The following EPHA3 variants were observed in gnomAD, a reference collection of about 807,000 sequenced individuals.
The protein encoded by EPHA3 is ephrin type-A receptor 3.
EPHA3 carries 42 observed loss-of-function variants against 107.1 expected under a neutral mutation model. The ratio of observed to expected loss-of-function variants is 0.39; its 90% CI spans 0.31 to 0.51. EPHA3 has a LOEUF of 0.51. Ranked by LOEUF, EPHA3 falls within the 20% of genes least tolerant of loss-of-function variation. The pLI, the probability that EPHA3 is intolerant of heterozygous loss-of-function variation, is 0.78. For missense variants in EPHA3, 1,183 were observed against 1,211.2 expected, an observed-to-expected ratio of 0.98 and a Z score of 0.35; for synonymous variants, 461 against 424.8, an observed-to-expected ratio of 1.09 and a Z score of -1.05.
intron 2 of EPHA3, among the ~76,000 whole-genome samples, chr3:89,181,146 T>G (rs1034519425): frequency 2.0e-5 from 3 of 152,016 alleles, no homozygotes; most frequent in Admixed American, 6.6e-5. Context: ...GACTTTTGTA[T>G]TCTACCTGTT....
intron 3 of EPHA3, among the ~76,000 whole-genome samples, chr3:89,225,687 G>T (rs1180238095): frequency 6.6e-6 from 1 of 152,158 alleles, no homozygotes; most frequent in Admixed American, 6.6e-5. Context: ...GAACACTGAG[G>T]CTGCAGTCAG....
At chr3:89,391,728 C>T (rs1237413177) in intron 5 of EPHA3, among the ~76,000 whole-genome samples, 7 of 151,942 alleles carry the variant, frequency 4.6e-5, no homozygotes, top group Admixed American at 1.3e-4. Context: ...CCACCGCGCC[C>T]GGCCTATTTG....
chr3:89,173,409 A>G (rs1434803729), intron 2 of EPHA3, among the ~76,000 whole-genome samples: 1 of 152,088 alleles, frequency 6.6e-6, no homozygotes, highest in African/African-American at 2.4e-5. Context: ...CTCACAGCAG[A>G]TAAGTCACCT....
chr3:89,113,485 CAAAAAAAAAA>C (rs753848304), intron 1 of EPHA3, among the ~76,000 whole-genome samples: 89 of 31,110 alleles, frequency 2.9e-3, no homozygotes, highest in African/African-American at 6.5e-3. Context: ...TTCCTTTGTA[CAAAAAAAAAA>C]AAAAAAAAAA....
chr3:89,199,679 A>T (rs922175814), intron 2 of EPHA3, among the ~76,000 whole-genome samples: 2 of 152,136 alleles, frequency 1.3e-5, no homozygotes, highest in Non-Finnish European at 2.9e-5. Flanking sequence ...TTCACCCTCT[A>T]TTTCAAAAAT....
intron 11 of EPHA3, among the ~76,000 whole-genome samples, chr3:89,426,132 C>A (rs545990581): frequency 6.6e-6 from 1 of 151,546 alleles, no homozygotes; most frequent in Non-Finnish European, 1.5e-5. Flanking sequence ...TTCTGAGAGC[C>A]GCAAATGATA....
chr3:89,342,671 C>A lies in EPHA3; in HGVS notation c.1306+581C>A, dbSNP rs115626202. On this transcript the variant is annotated intron_variant, in intron 5 of 16. Transcript: ENST00000336596. ...GAAATAATGCCCCTTTGAGATATAACAATCATTTTTCAATATTGATAACTG... is the reference window on the plus strand; with the variant it reads ...GAAATAATGCCCCTTTGAGATATAAAAATCATTTTTCAATATTGATAACTG... Among the ~76,000 whole-genome samples the A allele has an allele frequency of 4.5e-3, 691 of 152,006 alleles. 4 individuals are homozygous for A. The highest frequency in any genetic ancestry group is 0.016 in the African/African-American group (660 of 41,480).
At chr3:89,399,577 G>A (rs901463255) in intron 7 of EPHA3, 97 bp downstream of exon 7, 2 of 1,530,016 alleles carry the variant, frequency 1.3e-6, no homozygotes, top group Non-Finnish European at 1.8e-6. Flanking sequence ...TTAAACAAAT[G>A]TGATACATTT....
chr3:89,447,054 C>T (rs1406462004), intron 13 of EPHA3, among the ~76,000 whole-genome samples: 1 of 152,128 alleles, frequency 6.6e-6, no homozygotes, highest in Non-Finnish European at 1.5e-5. Flanking sequence ...CTGTTCAATG[C>T]CACATGTCTA....
intron 3 of EPHA3, among the ~76,000 whole-genome samples, chr3:89,312,378 T>G (rs1186606196): frequency 3.3e-5 from 5 of 151,042 alleles, no homozygotes; most frequent in South Asian, 2.1e-4. Context: ...TTTTTTTTTT[T>G]GTAGATTTAT....
chr3:89,371,848 C>T (rs538987831), intron 5 of EPHA3, among the ~76,000 whole-genome samples: 35 of 151,506 alleles, frequency 2.3e-4, no homozygotes, highest in African/African-American at 8.0e-4. Context: ...ACACTGCTTG[C>T]CTATATTGAA....
intron 15 of EPHA3, among the ~76,000 whole-genome samples, chr3:89,469,151 T>C (rs753396683): frequency 1.8e-4 from 28 of 152,136 alleles, no homozygotes; most frequent in Non-Finnish European, 2.8e-4. Flanking sequence ...ATAATTAAGA[T>C]TTTCAATTTA....
intron 11 of EPHA3, among the ~76,000 whole-genome samples, chr3:89,422,454 T>C (rs1709369951): frequency 6.6e-6 from 1 of 151,476 alleles, no homozygotes; most frequent in Non-Finnish European, 1.5e-5. Flanking sequence ...TAATAATCAA[T>C]GATCTGAGTT....
chr3:89,222,077 C>A (rs559262462), intron 3 of EPHA3, among the ~76,000 whole-genome samples: 1 of 152,146 alleles, frequency 6.6e-6, no homozygotes, highest in South Asian at 2.1e-4. Flanking sequence ...TGAGCCACAC[C>A]TCTAATTGCT....
chr3:89,185,572 T>G (rs1424005313), intron 2 of EPHA3, among the ~76,000 whole-genome samples: 1 of 152,112 alleles, frequency 6.6e-6, no homozygotes, highest in East Asian at 1.9e-4. Context: ...GCTAGAGGAC[T>G]GTCTTTTGTA....
At chr3:89,193,692 A>G (rs1260521504) in intron 2 of EPHA3, among the ~76,000 whole-genome samples, 5 of 152,152 alleles carry the variant, frequency 3.3e-5, no homozygotes, top group Middle Eastern at 3.4e-3. Context: ...TATGTGCCCT[A>G]TGAATATATA....
At chr3:89,385,379 T>C (rs186935157) in intron 5 of EPHA3, among the ~76,000 whole-genome samples, 2 of 152,290 alleles carry the variant, frequency 1.3e-5, no homozygotes, top group Non-Finnish European at 2.9e-5. Context: ...AATTGAATCA[T>C]GGGGGCTGTT....
intron 2 of EPHA3, among the ~76,000 whole-genome samples, chr3:89,156,323 T>C (rs1704805882): frequency 6.6e-6 from 1 of 152,102 alleles, no homozygotes; most frequent in South Asian, 2.1e-4. Context: ...ATCCAGGACT[T>C]CCTTATACTA....
chr3:89,380,485 A>C (rs575619378), intron 5 of EPHA3, among the ~76,000 whole-genome samples: 1 of 152,220 alleles, frequency 6.6e-6, no homozygotes, highest in Non-Finnish European at 1.5e-5. Flanking sequence ...GCCTTTGATA[A>C]CTCTGGTCTG....
Sources: allele counts gnomAD v4.1 joint callset (sites outside exome capture counted in the v4.1 genomes callset), GRCh38; gene constraint gnomAD v4.1.1; transcripts MANE v1.5; gene names NCBI Gene and HGNC (gene_info 2026-07-23, HGNC 2026-07-21).